The following CLSTN2 variants were observed in gnomAD, a reference collection of about 807,000 sequenced individuals.
The protein encoded by CLSTN2 is calsyntenin-2.
A neutral mutation model predicts 101.2 loss-of-function variants in CLSTN2; 48 were observed. The observed-to-expected ratio is 0.47, with a 90% CI of 0.38 to 0.60. The LOEUF is 0.60. Ranked by LOEUF, CLSTN2 falls within the 20% of genes least tolerant of loss-of-function variation. CLSTN2 has a pLI of 0.00. For synonymous variants in CLSTN2, 481 were observed against 463.6 expected (o/e 1.04, Z -0.48); for missense variants, 1,160 against 1,238.2 (o/e 0.94, Z 0.95).
At chr3:140,455,713 A>T (rs1348360186) in intron 6 of CLSTN2, among the ~76,000 whole-genome samples, 1 of 152,226 alleles carries the variant, frequency 6.6e-6, no homozygotes, top group Non-Finnish European at 1.5e-5. Context: ...ACTGCAAGTG[A>T]TGCATTCTGT....
At chr3:140,024,834 A>G (rs1190975249) in intron 1 of CLSTN2, among the ~76,000 whole-genome samples, 1 of 152,246 alleles carries the variant, frequency 6.6e-6, no homozygotes, top group African/African-American at 2.4e-5. Context: ...TTTGAGACTC[A>G]AATTACTGCA....
At chr3:140,525,466 T>C (rs535884071) in intron 8 of CLSTN2, among the ~76,000 whole-genome samples, 1 of 152,224 alleles carries the variant, frequency 6.6e-6, no homozygotes, top group African/African-American at 2.4e-5. Context: ...AAAAGAGCCC[T>C]AGACCAGATG....
chr3:140,209,966 A>G (rs1174803049), intron 2 of CLSTN2, among the ~76,000 whole-genome samples: 1 of 152,198 alleles, frequency 6.6e-6, no homozygotes, highest in Non-Finnish European at 1.5e-5. Flanking sequence ...TCCCTTGCTC[A>G]TATTTATTGG....
At chr3:140,108,035 A>G (rs1303900870) in intron 1 of CLSTN2, among the ~76,000 whole-genome samples, 1 of 152,164 alleles carries the variant, frequency 6.6e-6, no homozygotes, top group Non-Finnish European at 1.5e-5. Context: ...GATAAGGGAC[A>G]CCCTCAAGAA....
At chr3:139,952,288 A>G (rs144467285) in intron 1 of CLSTN2, among the ~76,000 whole-genome samples, 137 of 152,270 alleles carry the variant, frequency 9.0e-4, no homozygotes, top group African/African-American at 2.9e-3. Flanking sequence ...CATATTTTCG[A>G]TTATAATGGA....
At chr3:140,047,648 C>A (rs1227290754) in intron 1 of CLSTN2, among the ~76,000 whole-genome samples, 1 of 152,156 alleles carries the variant, frequency 6.6e-6, no homozygotes. Flanking sequence ...TGGTAAGGAT[C>A]TTCTCACTGG....
chr3:140,296,903 G>A (rs963125448), intron 2 of CLSTN2, among the ~76,000 whole-genome samples: 51 of 152,320 alleles, frequency 3.3e-4, no homozygotes, highest in African/African-American at 1.2e-3. Context: ...AGAACGAGCT[G>A]GGGCTAAGCC....
chr3:140,337,193 C>G (rs2087451506), intron 2 of CLSTN2, among the ~76,000 whole-genome samples: 1 of 152,224 alleles, frequency 6.6e-6, no homozygotes, highest in African/African-American at 2.4e-5. Context: ...TCCGTTGAAA[C>G]AAACACAAAC....
chr3:140,421,206 A>G lies in CLSTN2; in HGVS notation c.719A>G (p.Gln240Arg), dbSNP rs1349855430. 1 of 1,614,218 alleles carries G rather than the reference A, an allele frequency of 6.2e-7. No homozygotes were observed. The highest frequency in any genetic ancestry group is 8.5e-7 in the Non-Finnish European group (1 of 1,180,014). Reference sequence around the variant, plus strand: ...CTGGTGACCGCCTACGACTGTGGACAGAAGCCCGCTGCTCAGGACACCCTG... The same window carrying G: ...CTGGTGACCGCCTACGACTGTGGACGGAAGCCCGCTGCTCAGGACACCCTG... ...EILVTAYDCG[Q>R]KPAAQDTLVQ... Residue 240 changes from glutamine (Q) to arginine (R), a missense_variant, in exon 5 of 17, where the codon CAG becomes CGG. By Grantham distance (43) the Gln-to-Arg change is conservative (BLOSUM62 1). Coordinates refer to ENST00000458420, the MANE Select transcript of CLSTN2 (RefSeq NM_022131.3).
rs776372790 is a variant in CLSTN2 at position 140,562,955 on chromosome 3, A to C, written c.2357A>C (p.Glu786Ala). 1 of 1,614,064 alleles carries C rather than the reference A, an allele frequency of 6.2e-7. No individual in the cohort carries two copies. Among genetic ancestry groups the C allele is most frequent in the East Asian group, 2.2e-5 (1 of 44,850 alleles). The part of the protein sequence containing the change: ...GRYTSNEFNL[E>A]VSILHEDQVS... ...TACACTAGCAATGAGTTCAACTTGG[A>C]GGTGAGTGGGTCCTGCCATTGTTAG... The change falls in exon 14 of 17, where the codon GAG (glutamate) becomes GCG (alanine). Residue 786 changes from glutamate to alanine, a missense_variant and splice_region_variant. Transcript: ENST00000458420.
chr3:140,476,315 T>G (rs1208330929), intron 8 of CLSTN2, among the ~76,000 whole-genome samples: 1 of 152,198 alleles, frequency 6.6e-6, no homozygotes, highest in African/African-American at 2.4e-5. Flanking sequence ...GAACCAGCAT[T>G]TTTTCAGTTC....
At position 139,998,336 on chromosome 3, in the gene CLSTN2, C is replaced by CTTTTTTTTTTTTTTTTTTTTTTTTTT. The variant is rs60541490; in HGVS notation, c.109+62873_109+62874insTTTTTTTTTTTTTTTTTTTTTTTTTT. On this transcript the variant is annotated intron_variant, in intron 1 of 16. Transcript: ENST00000458420. ...ATGGGATAATAGTTCCCCCACATGC[C>CTTTTTTTTTTTTTTTTTTTTTTTTTT]TTTTTTTTTTTTTTTTTTTTGTGAC... Among the ~76,000 whole-genome samples the CTTTTTTTTTTTTTTTTTTTTTTTTTT allele has an allele frequency of 4.2e-4, 28 of 66,808 alleles. 5 individuals carry two copies. The highest frequency in any genetic ancestry group is 1.9e-3 in the East Asian group (3 of 1,540). 43.8% of individuals were successfully genotyped at this position (66,808 alleles called of 152,430 possible). A position where few individuals can be genotyped will look rare whatever the true frequency, so the allele number is the denominator to read the frequency against.
At chr3:140,299,897 C>A (rs2087042357) in intron 2 of CLSTN2, among the ~76,000 whole-genome samples, 1 of 152,204 alleles carries the variant, frequency 6.6e-6, no homozygotes, top group Non-Finnish European at 1.5e-5. Context: ...TGAGGGTTTT[C>A]TTTTTCCTCT....
chr3:140,042,709 T>G (rs1387635939), intron 1 of CLSTN2, among the ~76,000 whole-genome samples: 1 of 152,166 alleles, frequency 6.6e-6, no homozygotes, highest in Non-Finnish European at 1.5e-5. Context: ...GTGTGTGATG[T>G]TCCCCACCCT....
chr3:140,108,504 A>G (rs2107793450), intron 1 of CLSTN2, among the ~76,000 whole-genome samples: 1 of 152,206 alleles, frequency 6.6e-6, no homozygotes, highest in Non-Finnish European at 1.5e-5. Context: ...TAAACCTGCT[A>G]CTTTACCTGC....
intron 2 of CLSTN2, among the ~76,000 whole-genome samples, chr3:140,180,756 CT>C (rs1172386846): frequency 6.6e-6 from 1 of 152,192 alleles, no homozygotes; most frequent in Admixed American, 6.5e-5. Flanking sequence ...ACTTCTCAAG[CT>C]GGGTGACTCT....
chr3:140,453,588 A>G (rs1487694288), intron 6 of CLSTN2, among the ~76,000 whole-genome samples: 1 of 152,240 alleles, frequency 6.6e-6, no homozygotes, highest in African/African-American at 2.4e-5. Context: ...TGTATATTTC[A>G]AAATAGCTAG....
rs1576383568 is a variant in CLSTN2, at chr3:140,573,326, A to C, written c.*7073A>C. 1 of 152,274 alleles carries C rather than the reference A, an allele frequency of 6.6e-6. No homozygotes were observed. The highest frequency in any genetic ancestry group is 1.9e-4 in the East Asian group (1 of 5,174). The allele number at this position is 152,274 out of a possible 1,614,324, so 9.4% of individuals were successfully genotyped here. On this transcript the variant is annotated 3_prime_UTR_variant, in exon 17 of 17. Transcript: ENST00000458420. Reference sequence around the variant, plus strand: ...ATTCAAACACTGAATTGCTTGGGGAATGGATGGCCTTCCTTGGAAGGGCAG... The same window carrying C: ...ATTCAAACACTGAATTGCTTGGGGACTGGATGGCCTTCCTTGGAAGGGCAG...
intron 8 of CLSTN2, among the ~76,000 whole-genome samples, chr3:140,525,099 AGAG>A (rs1334618487): frequency 1.3e-5 from 2 of 152,230 alleles, no homozygotes; most frequent in African/African-American, 2.4e-5. Context: ...AACTAACATC[AGAG>A]GAGAACTGAA....
Sources: gnomAD v4.1 joint callset for allele counts (sites outside exome capture counted in the v4.1 genomes callset) on GRCh38, gnomAD v4.1.1 for gene constraint, MANE v1.5 for transcripts, NCBI Gene and HGNC (gene_info 2026-07-23, HGNC 2026-07-21) for gene names.